SOX6: variants seen among roughly 807,000 people sequenced by gnomAD.
The protein encoded by SOX6 is SRY-box transcription factor 6.
A neutral mutation model predicts 97.8 loss-of-function variants in SOX6; 11 were observed. The ratio of observed to expected loss-of-function variants is 0.11; its 90% CI spans 0.07 to 0.19. SOX6 has a LOEUF of 0.19. Ranked by LOEUF, SOX6 falls within the 10% of genes least tolerant of loss-of-function variation. SOX6 has a pLI of 1.00. For synonymous variants in SOX6, 360 were observed against 371.4 expected (o/e 0.97, Z 0.35); for missense variants, 810 against 1,039.5 (o/e 0.78, Z 3.04).
intron 12 of SOX6, among the ~76,000 whole-genome samples, chr11:16,039,563 G>A (rs1855603161): frequency 2.0e-5 from 3 of 151,916 alleles, no homozygotes; most frequent in South Asian, 2.1e-4. Context: ...TTGAATGTAC[G>A]ATGGAGATTT....
At chr11:16,325,164 A>G (rs1322511287) in intron 2 of SOX6, among the ~76,000 whole-genome samples, 1 of 152,178 alleles carries the variant, frequency 6.6e-6, no homozygotes, top group African/African-American at 2.4e-5. Context: ...TTTTAATCAG[A>G]AAATAAATTT....
chr11:16,362,206 GC>G (rs1249803800), intron 1 of SOX6, among the ~76,000 whole-genome samples: 1 of 152,138 alleles, frequency 6.6e-6, no homozygotes, highest in Non-Finnish European at 1.5e-5. Flanking sequence ...AACAGTGACT[GC>G]AAAATGGACA....
At chr11:16,428,254 A>C (rs2133073103) in intron 1 of SOX6, among the ~76,000 whole-genome samples, 1 of 152,002 alleles carries the variant, frequency 6.6e-6, no homozygotes, top group East Asian at 1.9e-4. Context: ...AGGTTGCAAA[A>C]ATTTTCTCCC....
intron 4 of SOX6, among the ~76,000 whole-genome samples, chr11:16,495,968 C>G (rs532083856): frequency 1.4e-4 from 22 of 152,282 alleles, no homozygotes; most frequent in African/African-American, 5.3e-4. Flanking sequence ...TCTCAGACAC[C>G]ATTGACACTG....
chr11:16,438,480 G>A (rs1859432216), intron 1 of SOX6, among the ~76,000 whole-genome samples: 1 of 152,120 alleles, frequency 6.6e-6, no homozygotes, highest in African/African-American at 2.4e-5. Flanking sequence ...AATGGAACTA[G>A]GTATATGCAG....
At chr11:16,546,242 T>A (rs4342994) in intron 4 of SOX6, among the ~76,000 whole-genome samples, 151,911 of 152,348 alleles carry the variant, frequency 1, 75,738 homozygotes, top group Middle Eastern at 1. Flanking sequence ...CATGTATTGG[T>A]AGAATTAATA....
intron 2 of SOX6, among the ~76,000 whole-genome samples, chr11:16,716,779 A>G (rs1328964297): frequency 6.0e-5 from 9 of 149,274 alleles, no homozygotes; most frequent in African/African-American, 1.7e-4. Flanking sequence ...TCTCATAAAT[A>G]TAACATTGTG....
At chr11:16,567,427 C>T (rs1043820213) in intron 4 of SOX6, 1 of 152,174 alleles carries the variant, frequency 6.6e-6, no homozygotes, top group Non-Finnish European at 1.5e-5. Flanking sequence ...CAAAACACAA[C>T]ATAGGTGGAG....
intron 1 of SOX6, among the ~76,000 whole-genome samples, chr11:16,431,589 T>C (rs1293917777): frequency 6.6e-6 from 1 of 152,024 alleles, no homozygotes; most frequent in Non-Finnish European, 1.5e-5. Context: ...TTCCAATTTA[T>C]AAACTAGATG....
intron 6 of SOX6, among the ~76,000 whole-genome samples, chr11:16,149,317 C>G (rs1292494393): frequency 6.6e-6 from 1 of 151,888 alleles, no homozygotes; most frequent in Admixed American, 6.6e-5. Flanking sequence ...ACTGTAGGCT[C>G]TACAGTAATT....
At chr11:16,553,047 A>T (rs530784014) in intron 4 of SOX6, among the ~76,000 whole-genome samples, 1 of 152,364 alleles carries the variant, frequency 6.6e-6, no homozygotes, top group African/African-American at 2.4e-5. Flanking sequence ...TTGATCATTA[A>T]TGTCAACTAA....
intron 4 of SOX6, among the ~76,000 whole-genome samples, chr11:16,512,192 C>G (rs1860891852): frequency 6.6e-6 from 1 of 152,062 alleles, no homozygotes; most frequent in African/African-American, 2.4e-5. Context: ...CTATATGTCC[C>G]AAATTGTGTA....
At chr11:16,736,381 T>C (rs182705056) in exon 2 of SOX6, 2 of 152,328 alleles carry the variant, frequency 1.3e-5, no homozygotes, top group Non-Finnish European at 2.9e-5. Context: ...TCTGATAAAA[T>C]GTCCCAGTCT....
At chr11:16,101,551 T>C (rs1474828506) in intron 7 of SOX6, among the ~76,000 whole-genome samples, 1 of 151,720 alleles carries the variant, frequency 6.6e-6, no homozygotes, top group East Asian at 1.9e-4. Context: ...CTTTCTTCAC[T>C]TATTTCACAG....
intron 9 of SOX6, among the ~76,000 whole-genome samples, chr11:16,080,596 AAT>A (rs1260837823): frequency 6.6e-6 from 1 of 152,222 alleles, no homozygotes; most frequent in Non-Finnish European, 1.5e-5. Context: ...TATTCAGAAA[AAT>A]ACTTATTGGC....
At chr11:16,516,152 T>C (rs1163075298) in intron 4 of SOX6, among the ~76,000 whole-genome samples, 1 of 149,506 alleles carries the variant, frequency 6.7e-6, no homozygotes, top group Non-Finnish European at 1.5e-5. Context: ...ATGGCCATTT[T>C]CATGATATTG....
chr11:16,008,504 T>C (rs1854622459), intron 13 of SOX6, among the ~76,000 whole-genome samples: 1 of 152,052 alleles, frequency 6.6e-6, no homozygotes, highest in Non-Finnish European at 1.5e-5. Flanking sequence ...GGCTGGGTCT[T>C]TGATTGGGCT....
chr11:15,996,236 T>G lies in SOX6; in HGVS notation c.1733-7006A>C, dbSNP rs59873169. ...GATGAGGGTATAAATAGAATTAGAT[T>G]GTTAAAGGTCGTAATATTTTACGTG... On this transcript the variant is annotated intron_variant, in intron 13 of 15. Transcript: ENST00000683767. Among the ~76,000 whole-genome samples the G allele has an allele frequency of 1.6e-4, 25 of 152,284 alleles. No homozygotes were observed. The East Asian group carries it at 4.8e-3, about 29-fold the overall frequency.
At chr11:16,676,368 A>G (rs1400881762) in intron 3 of SOX6, among the ~76,000 whole-genome samples, 1 of 152,174 alleles carries the variant, frequency 6.6e-6, no homozygotes, top group African/African-American at 2.4e-5. Context: ...AAAATAATTG[A>G]TATAAAATCT....
Sources: gnomAD v4.1 joint callset for allele counts (sites outside exome capture counted in the v4.1 genomes callset) on GRCh38, gnomAD v4.1.1 for gene constraint, MANE v1.5 for transcripts, NCBI Gene and HGNC (gene_info 2026-07-23, HGNC 2026-07-21) for gene names.